The following PLPPR3 variants were observed in gnomAD, a reference collection of about 807,000 sequenced individuals.
PLPPR3 encodes the protein phospholipid phosphatase-related protein type 3.
In PLPPR3, 14 loss-of-function variants were observed where a neutral mutation model predicts 27.3. That is an observed-to-expected ratio of 0.51 (90% CI 0.34 to 0.80). The LOEUF is 0.80. PLPPR3 is among the 30% of genes least tolerant of loss of function. The pLI is 0.01. For synonymous variants in PLPPR3, 671 were observed against 508.0 expected (o/e 1.32, Z -4.32); for missense variants, 1,287 against 1,056.9 (o/e 1.22, Z -3.02).
intron 2 of PLPPR3, among the ~76,000 whole-genome samples, chr19:819,741 G>A (rs930919701): frequency 5.3e-5 from 8 of 152,194 alleles, no homozygotes; most frequent in Non-Finnish European, 1.0e-4. Context: ...TGACCTGCAC[G>A]GGTCACTGCT....
intron 2 of PLPPR3, among the ~76,000 whole-genome samples, chr19:816,353 CCATT>C (rs1320803335): frequency 3.5e-5 from 2 of 56,912 alleles, no homozygotes; most frequent in Non-Finnish European, 6.6e-5. Flanking sequence ...ATCCATCCGT[CCATT>C]CATTACCCAG....
rs925108069 is a variant in PLPPR3 at position 813,909 on chromosome 19, G to T, written c.832-14C>A. On this transcript the variant is annotated splice_polypyrimidine_tract_variant and intron_variant, in intron 7 of 7. Transcript: ENST00000520876. This position sits in a 1 kb window ranked among gnomAD's most constrained non-coding sequence, Gnocchi z 4.1. ...CGCGTGGCAGGCCTGTCGGGGAGAG[G>T]GGTCTGGGGGTGAGGCCTGGGGCTC... 7.0e-7 allele frequency: 1 copy of T among 1,422,502 alleles called. No homozygotes were observed. Among genetic ancestry groups the T allele is most frequent in the Non-Finnish European group, 9.1e-7 (1 of 1,095,664 alleles). 88.1% of individuals were successfully genotyped at this position (1,422,502 alleles called of 1,614,324 possible).
At position 814,758 on chromosome 19, in the gene PLPPR3, G is replaced by A. The variant is rs201160987; in HGVS notation, c.600-9C>T. On this transcript the variant is annotated splice_polypyrimidine_tract_variant and intron_variant, in intron 5 of 7. Transcript: ENST00000520876. ...GGGACGGGAAGGTCTTCCTGTAAGA[G>A]GCGTCCAGCGTGAGCCCCGCCCACC... 499 of 1,564,326 alleles carry A rather than the reference G, an allele frequency of 3.2e-4. No individual in the cohort carries two copies. Among genetic ancestry groups the A allele is most frequent in the Non-Finnish European group, 1.6e-4 (182 of 1,159,538 alleles).
chr19:821,862 T>G (rs351100), intron 1 of PLPPR3, 53 bp downstream of exon 1: 107,137 of 256,762 alleles, frequency 0.42, 23,224 homozygotes, highest in African/African-American at 0.58. Flanking sequence ...AGAACTGGGG[T>G]TCCGGGCGGC....
intron 6 of PLPPR3, 24 bp from the exon 7 acceptor site, chr19:814,631 G>A: frequency 1.9e-6 from 3 of 1,611,094 alleles, no homozygotes; most frequent in Non-Finnish European, 2.5e-6. Flanking sequence ...GTTGGGGTCA[G>A]GGAGGGCTCC....
At chr19:818,239 C>T (rs2035091899) in intron 2 of PLPPR3, among the ~76,000 whole-genome samples, 1 of 151,860 alleles carries the variant, frequency 6.6e-6, no homozygotes, top group African/African-American at 2.4e-5. Context: ...AAAAATTAAC[C>T]CAGCGTGGTG....
Position 812,633 on chromosome 19 carries a change from G to C in PLPPR3, c.2094C>G (p.Arg698=), listed in dbSNP as rs1367265338. 2.7e-6 allele frequency: 3 copies of C among 1,100,704 alleles called. No individual in the cohort carries two copies. The highest frequency in any genetic ancestry group is 3.3e-6 in the Non-Finnish European group (3 of 896,762). 68.2% of individuals were successfully genotyped at this position (1,100,704 alleles called of 1,614,324 possible). The part of the protein sequence containing the change: ...RHAGGLGLAE[R]EAEAEAEGYF... ...AGCCCTCGGCCTCCGCCTCCGCCTC[G>C]CGCTCCGCCAGCCCCAGGCCGCCCG... The change falls in exon 8 of 8, where the codon CGC becomes CGG. Residue 698 remains arginine (R), a synonymous_variant. Coordinates refer to ENST00000520876, the MANE Select transcript of PLPPR3 (RefSeq NM_001270366.2).
chr19:814,338 G>A (rs2035012578), intron 7 of PLPPR3, 96 bp downstream of exon 7: 2 of 1,260,430 alleles, frequency 1.6e-6, no homozygotes, highest in Non-Finnish European at 2.2e-6. Context: ...CAGACCCCTG[G>A]GCCAGCCTCC....
At position 813,371 on chromosome 19, in the gene PLPPR3, C is replaced by CTCA; in HGVS notation, c.1355_1356insTGA (p.Glu451_Glu452insAsp). ...CGTCCTCCTCCTCTTCCTCCTCCTCCTCTTCCTCTTCGTCCTCCTCCTCTT... is the reference window on the plus strand; with the variant it reads ...CGTCCTCCTCCTCTTCCTCCTCCTCCTCATCTTCCTCTTCGTCCTCCTCCTCTT... On this transcript the variant is annotated inframe_insertion, in exon 8 of 8. Transcript: ENST00000520876. This position sits in a 1 kb window ranked among gnomAD's most constrained non-coding sequence, Gnocchi z 4.1. 6.7e-7 allele frequency: 1 copy of CTCA among 1,494,922 alleles called. No individual in the cohort carries two copies. The highest frequency in any genetic ancestry group is 8.8e-7 in the Non-Finnish European group (1 of 1,130,040). The allele number at this position is 1,494,922 out of a possible 1,614,324, so 92.6% of individuals were successfully genotyped here.
chr19:812,996 G>C lies in PLPPR3; in HGVS notation c.1731C>G (p.Ser577=), dbSNP rs576780885. ...SQYRSPSDRD[S]ASIVTIDAHA... is the part of the protein sequence containing the mutation. ...GCGCGTCGATGGTCACGATGCTGGC[G>C]GAGTCGCGGTCCGACGGCGACCGGT... is the stretch of plus-strand genomic sequence containing the variant. The change falls in exon 8 of 8, where the codon TCC becomes TCG. Residue 577 remains serine (S), a synonymous_variant. Transcript: ENST00000520876. 1 of 1,513,268 alleles carries C rather than the reference G, an allele frequency of 6.6e-7. No homozygotes were observed. The highest frequency in any genetic ancestry group is 2.0e-5 in the Admixed American group (1 of 50,214). 93.7% of individuals were successfully genotyped at this position (1,513,268 alleles called of 1,614,324 possible). A position where few individuals can be genotyped will look rare whatever the true frequency, so the allele number is the denominator to read the frequency against.
At chr19:821,689 T>C (rs2035149014) in intron 1 of PLPPR3, 104 bp from the exon 2 acceptor site, 1 of 539,080 alleles carries the variant, frequency 1.9e-6, no homozygotes, top group Non-Finnish European at 3.0e-6. Context: ...AAACTGAGGC[T>C]GCAGAGAGCG....
Position 813,758 on chromosome 19 carries a change from G to C in PLPPR3, c.969C>G (p.Thr323=), listed in dbSNP as rs555916708. ...GCCGCCCTGGGGGCCCCAGCTCGTC[G>C]GTGCTCACCGACTTATTCTGCTGAT... ...SVYQQNKSVS[T]DELGPPGRLE... is the part of the protein sequence containing the mutation. The change falls in exon 8 of 8, where the codon ACC becomes ACG. Residue 323 remains threonine (T), a synonymous_variant. Transcript: ENST00000520876. The surrounding 1 kb of genome is among the most constrained non-coding windows in gnomAD (Gnocchi z 4.1). The C allele has an allele frequency of 9.2e-6, 14 of 1,526,936 alleles. No individual in the cohort carries two copies. The highest frequency in any genetic ancestry group is 2.0e-5 in the Admixed American group (1 of 49,534). The allele number at this position is 1,526,936 out of a possible 1,614,324, so 94.6% of individuals were successfully genotyped here.
chr19:814,986 T>C lies in PLPPR3; in HGVS notation c.499A>G (p.Lys167Glu), dbSNP rs1176211726. 2 of 1,612,348 alleles carry C rather than the reference T, an allele frequency of 1.2e-6. No individual in the cohort carries two copies. The highest frequency in any genetic ancestry group is 2.2e-5 in the East Asian group (1 of 44,882). The change falls in exon 5 of 8, where the codon AAG (lysine) becomes GAG (glutamate). Residue 167 changes from lysine to glutamate, a missense_variant. By Grantham distance (56) the Lys-to-Glu change is moderately conservative (BLOSUM62 1). Coordinates refer to ENST00000520876, the MANE Select transcript of PLPPR3 (RefSeq NM_001270366.2). ...GTGCCCAGGAGAGTGTAGTTGGGCT[T>C]GCAGACGGTGAGGAAGAAGGGAGTG... is the stretch of plus-strand genomic sequence containing the variant. ...YHTPFFLTVC[K>E]PNYTLLGTSC...
In PLPPR3 at chr19:812,637, T is replaced by A. The variant is rs1034339654; in HGVS notation, c.2090A>T (p.Glu697Val). Residue 697 changes from glutamate to valine, a missense_variant, in exon 8 of 8, where the codon GAG becomes GTG. Glu to Val is a moderately radical substitution (Grantham distance 121). Transcript: ENST00000520876. Reference sequence around the variant, plus strand: ...CTCGGCCTCCGCCTCCGCCTCGCGCTCCGCCAGCCCCAGGCCGCCCGCGTG... The same window carrying A: ...CTCGGCCTCCGCCTCCGCCTCGCGCACCGCCAGCCCCAGGCCGCCCGCGTG... ...RRHAGGLGLA[E>V]REAEAEAEGY... 3.7e-6 allele frequency: 4 copies of A among 1,093,294 alleles called. No individual in the cohort carries two copies. The highest frequency in any genetic ancestry group is 4.5e-6 in the Non-Finnish European group (4 of 894,138). 67.7% of individuals were successfully genotyped at this position (1,093,294 alleles called of 1,614,324 possible).
Position 813,522 on chromosome 19 carries a change from G to C in PLPPR3, c.1205C>G (p.Ser402Trp). ...HMTIHVPLDASRSKQLISEWK... is the reference protein window; with the variant it reads ...HMTIHVPLDAWRSKQLISEWK... ...CTCGCTGATGAGCTGCTTGGAGCGC[G>C]AGGCGTCCAGCGGCACGTGGATGGT... The change falls in exon 8 of 8, where the codon TCG (serine) becomes TGG (tryptophan). Residue 402 changes from serine (S) to tryptophan (W), a missense_variant. Transcript: ENST00000520876. The surrounding 1 kb of genome is among the most constrained non-coding windows in gnomAD (Gnocchi z 4.1). 1.9e-6 allele frequency: 3 copies of C among 1,560,010 alleles called. No individual in the cohort carries two copies. Among genetic ancestry groups the C allele is most frequent in the Non-Finnish European group, 2.6e-6 (3 of 1,155,126 alleles).
chr19:815,549 G>A, intron 3 of PLPPR3, 117 bp downstream of exon 3: 1 of 1,216,880 alleles, frequency 8.2e-7, no homozygotes, highest in South Asian at 1.5e-5. Context: ...GGCTGGCACA[G>A]GCCCCGGTGT....
At chr19:817,865 G>A (rs1050741762) in intron 2 of PLPPR3, among the ~76,000 whole-genome samples, 1 of 152,120 alleles carries the variant, frequency 6.6e-6, no homozygotes, top group African/African-American at 2.4e-5. Flanking sequence ...ACCTGTGGGC[G>A]GCCAGCAGAC....
intron 2 of PLPPR3, 102 bp from the exon 3 acceptor site, chr19:815,953 CCA>C: frequency 8.2e-7 from 1 of 1,212,662 alleles, no homozygotes; most frequent in Non-Finnish European, 1.2e-6. Context: ...ACTCACCTAT[CCA>C]CAGATCCAAC....
At chr19:815,151 G>A (rs2035030245) in intron 4 of PLPPR3, 35 bp downstream of exon 4, 2 of 1,601,408 alleles carry the variant, frequency 1.2e-6, no homozygotes, top group Non-Finnish European at 1.7e-6. Flanking sequence ...TGCATGTGGA[G>A]GTAGCTCAGG....
Sources: allele counts gnomAD v4.1 joint callset (sites outside exome capture counted in the v4.1 genomes callset), GRCh38; gene constraint gnomAD v4.1.1; non-coding constraint Gnocchi (gnomAD v3.1); transcripts MANE v1.5; gene names NCBI Gene and HGNC (gene_info 2026-07-23, HGNC 2026-07-21).